The following PARD3 variants were observed in gnomAD, a reference collection of about 807,000 sequenced individuals.
PARD3 encodes the protein par-3 family cell polarity regulator.
PARD3 carries 75 observed loss-of-function variants against 155.4 expected under a neutral mutation model. The observed-to-expected ratio is 0.48, with a 90% CI of 0.40 to 0.58. PARD3 has a LOEUF of 0.58. Ranked by LOEUF, PARD3 falls within the 20% of genes least tolerant of loss-of-function variation. The probability of loss-of-function intolerance (pLI) is 0.00; values close to 1 mark genes in which losing one functional copy is unlikely to be tolerated. For missense variants in PARD3, 1,642 were observed against 1,721.7 expected (o/e 0.95, Z 0.82); for synonymous variants, 576 against 610.5 (o/e 0.94, Z 0.83).
At chr10:34,245,010 G>A (rs1953851455) in intron 22 of PARD3, among the ~76,000 whole-genome samples, 1 of 152,194 alleles carries the variant, frequency 6.6e-6, no homozygotes, top group Admixed American at 6.5e-5. Flanking sequence ...CTCAGGAAGT[G>A]CCTTAATGAC....
chr10:34,150,079 A>G (rs1948705709), intron 22 of PARD3, among the ~76,000 whole-genome samples: 1 of 152,238 alleles, frequency 6.6e-6, no homozygotes, highest in Admixed American at 6.5e-5. Context: ...TATAAAGCAC[A>G]GAGTTTCTTG....
intron 22 of PARD3, among the ~76,000 whole-genome samples, chr10:34,176,394 C>T (rs988776530): frequency 6.6e-6 from 1 of 152,298 alleles, no homozygotes; most frequent in South Asian, 2.1e-4. Flanking sequence ...CAGAAAAGCA[C>T]AGGAGATTAA....
chr10:34,502,703 G>A (rs867353989), intron 3 of PARD3, among the ~76,000 whole-genome samples: 3 of 152,106 alleles, frequency 2.0e-5, no homozygotes, highest in Non-Finnish European at 2.9e-5. Context: ...CTACTGGGGA[G>A]GCTCAGAGAG....
At chr10:34,300,144 A>T (rs974447431) in intron 20 of PARD3, among the ~76,000 whole-genome samples, 3 of 152,218 alleles carry the variant, frequency 2.0e-5, no homozygotes, top group African/African-American at 7.2e-5. Context: ...TAGACATGAA[A>T]GATGGACACT....
chr10:34,111,220 C>T lies in PARD3; in HGVS notation c.4011G>A (p.Ala1337=), dbSNP rs533880946. The T allele has an allele frequency of 1.6e-5, 26 of 1,606,494 alleles. No individual in the cohort carries two copies. The highest frequency in any genetic ancestry group is 4.0e-5 in the African/African-American group (3 of 74,716). Residue 1337 remains alanine, a synonymous_variant, in exon 25 of 25, where the codon GCG becomes GCA. Coordinates refer to ENST00000374788, the MANE Select transcript of PARD3 (RefSeq NM_001184785.2). The part of the protein sequence containing the change: ...QDVPPSPSQV[A]RLNRLQTPEK... ...CAGGAGTCTGAAGTCTGTTCAGCCT[C>T]GCAACCTGAGAAGGGGAGGGGGGCA...
intron 9 of PARD3, 36 bp from the exon 10 acceptor site, chr10:34,378,142 G>T (rs1478573051): frequency 2.6e-6 from 4 of 1,512,134 alleles, no homozygotes; most frequent in Non-Finnish European, 3.6e-6. Context: ...TAAATAAAAT[G>T]AGATATCTTG....
chr10:34,326,667 T>C (rs1334483495), intron 19 of PARD3, among the ~76,000 whole-genome samples: 2 of 152,352 alleles, frequency 1.3e-5, no homozygotes, highest in Non-Finnish European at 2.9e-5. Flanking sequence ...TGTTATTTCA[T>C]AGCTAATAAA....
At chr10:34,343,978 A>G (rs1837108461) in intron 15 of PARD3, 1 of 982,984 alleles carries the variant, frequency 1.0e-6, no homozygotes, top group African/African-American at 1.7e-5. Context: ...CAATAAAAAC[A>G]TTAATGTTTC....
intron 20 of PARD3, among the ~76,000 whole-genome samples, chr10:34,309,194 G>C (rs1310211434): frequency 6.6e-6 from 1 of 152,152 alleles, no homozygotes; most frequent in Non-Finnish European, 1.5e-5. Context: ...AGAGTAAGTA[G>C]GGCTAAGAGA....
intron 3 of PARD3, among the ~76,000 whole-genome samples, chr10:34,482,294 C>A (rs1013028541): frequency 1.3e-4 from 20 of 152,048 alleles, no homozygotes; most frequent in African/African-American, 4.3e-4. Flanking sequence ...CTCAGCCTAC[C>A]AAAGTGCTGG....
At chr10:34,725,150 T>TGA (rs1491338368) in intron 1 of PARD3, among the ~76,000 whole-genome samples, 5 of 98,252 alleles carry the variant, frequency 5.1e-5, no homozygotes, top group African/African-American at 1.8e-4. Flanking sequence ...TGTGTGTGTG[T>TGA]GACAGAGAGA....
At chr10:34,699,226 T>A (rs1038524137) in intron 1 of PARD3, among the ~76,000 whole-genome samples, 6 of 152,164 alleles carry the variant, frequency 3.9e-5, no homozygotes, top group African/African-American at 1.4e-4. Context: ...CTGCCACTTA[T>A]TAAATGCCAC....
rs1564487216 is a variant in PARD3, at chr10:34,212,973, A to G, written c.3419+56684T>C. 2.6e-5 allele frequency among the ~76,000 whole-genome samples: 4 copies of G among 151,870 alleles called. No individual in the cohort carries two copies. The South Asian group carries it at 8.3e-4, about 32-fold the overall frequency. The stretch of plus-strand genomic sequence containing the variant: ...TAAAATCAGCTTCAGTCACCCTAAA[A>G]ATTCACTGGCTTCTCTTTGCTCTCC... On this transcript the variant is annotated intron_variant, in intron 22 of 24. Transcript: ENST00000374788.
At chr10:34,330,199 A>G (rs536877253) in intron 19 of PARD3, among the ~76,000 whole-genome samples, 103 of 152,284 alleles carry the variant, frequency 6.8e-4, no homozygotes, top group African/African-American at 2.3e-3. Context: ...GATAATCAAC[A>G]ATTTTCACTA....
intron 4 of PARD3, among the ~76,000 whole-genome samples, chr10:34,465,866 T>A (rs1483321137): frequency 6.6e-6 from 1 of 152,130 alleles, no homozygotes; most frequent in African/African-American, 2.4e-5. Flanking sequence ...GCTCATTACA[T>A]CTTTCTTGAT....
At chr10:34,176,961 G>C (rs1950057681) in intron 22 of PARD3, among the ~76,000 whole-genome samples, 1 of 151,776 alleles carries the variant, frequency 6.6e-6, no homozygotes, top group African/African-American at 2.4e-5. Flanking sequence ...GTGTGTGTGT[G>C]TGTGTGTGTC....
intron 2 of PARD3, among the ~76,000 whole-genome samples, chr10:34,593,424 C>G (rs772798985): frequency 6.6e-6 from 1 of 152,072 alleles, no homozygotes. Flanking sequence ...ATAAACCATA[C>G]CAATATTCAC....
At chr10:34,324,627 C>T (rs933271938) in intron 19 of PARD3, among the ~76,000 whole-genome samples, 5 of 152,058 alleles carry the variant, frequency 3.3e-5, no homozygotes, top group African/African-American at 9.7e-5. Context: ...TATTAAATAA[C>T]GAGGGTCCGG....
intron 5 of PARD3, among the ~76,000 whole-genome samples, chr10:34,433,373 TAAA>T (rs2076040115): frequency 6.6e-6 from 1 of 152,206 alleles, no homozygotes; most frequent in Non-Finnish European, 1.5e-5. Flanking sequence ...AAAAACCTTT[TAAA>T]AATAACAAAT....
Sources: gnomAD v4.1 joint callset for allele counts (sites outside exome capture counted in the v4.1 genomes callset) on GRCh38, gnomAD v4.1.1 for gene constraint, MANE v1.5 for transcripts, NCBI Gene and HGNC (gene_info 2026-07-23, HGNC 2026-07-21) for gene names.